Variants in B3GLCT observed in about 807,000 individuals in gnomAD.
The protein encoded by B3GLCT is beta-1,3-glucosyltransferase.
Under a neutral mutation model 63.4 loss-of-function variants are expected in B3GLCT, and 65 were observed. The ratio of observed to expected loss-of-function variants is 1.03; its 90% confidence interval spans 0.84 to 1.26. The LOEUF (loss-of-function observed/expected upper bound fraction) is 1.26, where lower values mean the gene tolerates loss of function less well. Among genes scored for constraint, B3GLCT ranks in the 50% most tolerant of loss-of-function variants. The pLI, the probability that B3GLCT is intolerant of heterozygous loss-of-function variation, is 0.00. For missense variants in B3GLCT, 577 were observed against 604.8 expected (o/e 0.95, Z 0.48); for synonymous variants, 233 against 219.2 (o/e 1.06, Z -0.55).
chr13:31,272,996 T>C (rs559321330), intron 8 of B3GLCT, among the ~76,000 whole-genome samples: 1 of 152,328 alleles, frequency 6.6e-6, no homozygotes, highest in African/African-American at 2.4e-5. Context: ...TTATTTCAAC[T>C]TTGTTTTTGA....
chr13:31,263,011 A>G (rs1250431759), intron 7 of B3GLCT, among the ~76,000 whole-genome samples: 1 of 152,184 alleles, frequency 6.6e-6, no homozygotes, highest in Non-Finnish European at 1.5e-5. Flanking sequence ...CCTGCCCTGT[A>G]AAGTGCTGTT....
intron 6 of B3GLCT, among the ~76,000 whole-genome samples, chr13:31,255,669 C>G (rs141461848): frequency 1.4e-3 from 220 of 152,252 alleles, no homozygotes; most frequent in African/African-American, 4.3e-3. Context: ...ACCATCTGAT[C>G]TTTGACAAAC....
chr13:31,287,730 T>C (rs1873415301), intron 12 of B3GLCT, among the ~76,000 whole-genome samples: 2 of 152,330 alleles, frequency 1.3e-5, no homozygotes, highest in African/African-American at 2.4e-5. Flanking sequence ...TTAGAAGTTA[T>C]TAAGCTGTTA....
chr13:31,277,722 G>T (rs1475832523), intron 10 of B3GLCT, among the ~76,000 whole-genome samples: 1 of 152,050 alleles, frequency 6.6e-6, no homozygotes, highest in East Asian at 1.9e-4. Context: ...TATAATTTGA[G>T]ATTATAGTAT....
At chr13:31,313,132 G>T (rs1387426049) in intron 12 of B3GLCT, among the ~76,000 whole-genome samples, 1 of 152,114 alleles carries the variant, frequency 6.6e-6, no homozygotes, top group Non-Finnish European at 1.5e-5. Context: ...TATTAGCTAG[G>T]GTATTTTTAT....
At chr13:31,260,828 G>T (rs1463152856) in intron 6 of B3GLCT, 118 bp from the exon 7 acceptor site, 2 of 894,842 alleles carry the variant, frequency 2.2e-6, no homozygotes, top group Non-Finnish European at 1.8e-6. Flanking sequence ...TTTAATCTGT[G>T]CTAATAACTC....
intron 1 of B3GLCT, among the ~76,000 whole-genome samples, chr13:31,206,086 G>C (rs1379735104): frequency 6.6e-6 from 1 of 152,184 alleles, no homozygotes; most frequent in Non-Finnish European, 1.5e-5. Flanking sequence ...CTTGATGGGG[G>C]ATATGGAGGA....
intron 4 of B3GLCT, among the ~76,000 whole-genome samples, 183 bp downstream of exon 4, chr13:31,229,477 G>A (rs566495209): frequency 6.6e-6 from 1 of 152,288 alleles, no homozygotes; most frequent in East Asian, 1.9e-4. Flanking sequence ...TGGGCGTGGT[G>A]GCTCACGCCT....
intron 4 of B3GLCT, among the ~76,000 whole-genome samples, chr13:31,234,484 TTAG>T (rs1395740534): frequency 1.3e-5 from 2 of 152,086 alleles, no homozygotes; most frequent in Non-Finnish European, 2.9e-5. Flanking sequence ...AGCCTACCTA[TTAG>T]GCACTAGCTA....
chr13:31,251,886 G>A (rs1030079974), intron 6 of B3GLCT, among the ~76,000 whole-genome samples: 1 of 152,110 alleles, frequency 6.6e-6, no homozygotes, highest in Admixed American at 6.5e-5. Context: ...GATACTCCTC[G>A]AGAAGAGCAA....
At chr13:31,213,407 T>C (rs192074341) in intron 1 of B3GLCT, among the ~76,000 whole-genome samples, 3 of 152,030 alleles carry the variant, frequency 2.0e-5, no homozygotes, top group South Asian at 2.1e-4. Context: ...CTGAGTAACA[T>C]GTTGAAACCT....
Position 31,200,147 on chromosome 13 carries a change from C to A in B3GLCT, c.63C>A (p.Cys21Ter). The A allele has an allele frequency of 7.4e-7, 1 of 1,352,148 alleles. No homozygotes were observed. Among genetic ancestry groups the A allele is most frequent in the Non-Finnish European group, 9.6e-7 (1 of 1,041,684 alleles). 83.8% of individuals were successfully genotyped at this position (1,352,148 alleles called of 1,614,324 possible). ...APPALLALLT[C>*]SLAFGLASED... ...CGGCGCTGCTCGCGCTCCTCACCTG[C>A]TCCCTGGGTAAGTAGCGGGCGGCCA... is the stretch of plus-strand genomic sequence containing the variant. The change falls in exon 1 of 15, where the codon TGC becomes TGA. Residue 21 changes from cysteine to a stop codon, truncating the protein, a stop_gained. Coordinates refer to ENST00000343307, the MANE Select transcript of B3GLCT (RefSeq NM_194318.4). LOFTEE classifies it high-confidence loss of function.
At chr13:31,252,808 C>T (rs920166685) in intron 6 of B3GLCT, among the ~76,000 whole-genome samples, 2 of 152,160 alleles carry the variant, frequency 1.3e-5, no homozygotes, top group Non-Finnish European at 2.9e-5. Flanking sequence ...ATCAACAAGA[C>T]AGAAAATTAA....
In B3GLCT at chr13:31,316,582, G is replaced by A. The variant is rs549655457; in HGVS notation, c.1065-984G>A. On this transcript the variant is annotated intron_variant, in intron 12 of 14. Coordinates refer to ENST00000343307, the MANE Select transcript of B3GLCT (RefSeq NM_194318.4). ...ATGGGGCCTGTGGCCCCTTTGTTTT[G>A]GCCATTTTCTCACATTTGGAACAGG... Among the ~76,000 whole-genome samples the A allele has an allele frequency of 5.3e-5, 8 of 150,594 alleles. No homozygotes were observed. In the East Asian group the frequency reaches 1.6e-3, roughly 30 times the overall value.
intron 6 of B3GLCT, among the ~76,000 whole-genome samples, chr13:31,260,652 T>C (rs962025448): frequency 3.3e-5 from 5 of 152,356 alleles, no homozygotes; most frequent in Admixed American, 6.5e-5. Context: ...AGTCTTTTTA[T>C]ATGGAATATT....
chr13:31,204,306 C>G (rs144673223), intron 1 of B3GLCT, among the ~76,000 whole-genome samples: 1 of 152,162 alleles, frequency 6.6e-6, no homozygotes, highest in African/African-American at 2.4e-5. Flanking sequence ...CATCTAGAGT[C>G]AGGGGTGCTG....
chr13:31,325,444 T>C (rs1875559942), intron 14 of B3GLCT, among the ~76,000 whole-genome samples: 1 of 152,182 alleles, frequency 6.6e-6, no homozygotes, highest in Non-Finnish European at 1.5e-5. Context: ...GTGTGACAGG[T>C]CTTAGATTTT....
chr13:31,320,822 G>T (rs139115630), intron 13 of B3GLCT, among the ~76,000 whole-genome samples: 201 of 152,100 alleles, frequency 1.3e-3, no homozygotes, highest in African/African-American at 4.2e-3. Flanking sequence ...TACGACATTC[G>T]CTGGTCTCTG....
chr13:31,290,864 A>G (rs1468061955), intron 12 of B3GLCT, among the ~76,000 whole-genome samples: 1 of 152,102 alleles, frequency 6.6e-6, no homozygotes, highest in East Asian at 1.9e-4. Context: ...CTTTAGTTTA[A>G]TTGGATCCTG....
Sources: gnomAD v4.1 joint callset for allele counts (sites outside exome capture counted in the v4.1 genomes callset) on GRCh38, gnomAD v4.1.1 for gene constraint, MANE v1.5 for transcripts, NCBI Gene and HGNC (gene_info 2026-07-23, HGNC 2026-07-21) for gene names.